SLC35F3: variants seen among roughly 807,000 people sequenced by gnomAD.
The protein encoded by SLC35F3 is putative thiamine transporter SLC35F3.
In SLC35F3, 25 loss-of-function variants were observed where a neutral mutation model predicts 49.9. The observed-to-expected ratio is 0.50, with a 90% confidence interval of 0.37 to 0.70. The LOEUF (loss-of-function observed/expected upper bound fraction) is 0.70, where lower values mean the gene tolerates loss of function less well. SLC35F3 is among the 30% of genes least tolerant of loss of function. SLC35F3 has a pLI of 0.00. For missense variants in SLC35F3, 525 were observed against 639.8 expected (o/e 0.82, Z 1.94); for synonymous variants, 275 against 265.4 (o/e 1.04, Z -0.35).
At chr1:234,080,818 T>C (rs970279843) in intron 2 of SLC35F3, among the ~76,000 whole-genome samples, 6 of 152,216 alleles carry the variant, frequency 3.9e-5, no homozygotes, top group Non-Finnish European at 1.5e-5. Flanking sequence ...TCAATGGAAA[T>C]ATTTCAAATA....
At position 234,017,977 on chromosome 1, in the gene SLC35F3, A is replaced by G. The variant is rs542529634; in HGVS notation, c.283+112219A>G. ...CAATTTGGGGGGTGTTTTAAACAGC[A>G]AAGTCACTGAAAAAAAAAACTCCAC... On this transcript the variant is annotated intron_variant, in intron 2 of 7. Coordinates refer to ENST00000366618, the MANE Select transcript of SLC35F3 (RefSeq NM_173508.4). Among the ~76,000 whole-genome samples, 33 of 152,028 alleles carry G rather than the reference A, an allele frequency of 2.2e-4. No homozygotes were observed. The South Asian group carries it at 6.5e-3, about 30-fold the overall frequency.
chr1:234,119,528 A>G (rs937159229), intron 2 of SLC35F3, among the ~76,000 whole-genome samples: 3 of 152,194 alleles, frequency 2.0e-5, no homozygotes, highest in South Asian at 2.1e-4. Flanking sequence ...AAAGCTTCCA[A>G]TGCAGGGAGG....
In SLC35F3 at chr1:234,087,314, G is replaced by C. The variant is rs116361350; in HGVS notation, c.284-144103G>C. Among the ~76,000 whole-genome samples the C allele has an allele frequency of 5.9e-3, 904 of 152,306 alleles. 12 individuals are homozygous for C. The highest frequency in any genetic ancestry group is 0.02 in the African/African-American group (845 of 41,556). On this transcript the variant is annotated intron_variant, in intron 2 of 7. Coordinates refer to ENST00000366618, the MANE Select transcript of SLC35F3 (RefSeq NM_173508.4). ...AGCCATCTGTGACAATGATTAAATA[G>C]TTGCTGTCACTGGTGGTGTATCTGT... is the stretch of plus-strand genomic sequence containing the variant.
chr1:234,032,146 A>G (rs560457376), intron 2 of SLC35F3, among the ~76,000 whole-genome samples: 22 of 152,274 alleles, frequency 1.4e-4, no homozygotes, highest in African/African-American at 5.1e-4. Context: ...CTATAAAAAA[A>G]TAAGAGTTGA....
chr1:234,068,640 CTGGGAGTCAGAGAGGTGTG>C (rs1319911473), intron 2 of SLC35F3, among the ~76,000 whole-genome samples: 2 of 151,286 alleles, frequency 1.3e-5, no homozygotes, highest in Non-Finnish European at 2.9e-5. Context: ...AGCCAGTAAT[CTGGGAGTCAGAGAGGTGTG>C]TGTGTGAGCA....
chr1:234,232,845 C>T (rs1667406853), intron 3 of SLC35F3, among the ~76,000 whole-genome samples: 1 of 152,164 alleles, frequency 6.6e-6, no homozygotes, highest in Non-Finnish European at 1.5e-5. Flanking sequence ...GGGAATCTAC[C>T]ATGTTGTTCC....
chr1:233,917,540 A>G (rs1241427885), intron 2 of SLC35F3, among the ~76,000 whole-genome samples: 1 of 152,088 alleles, frequency 6.6e-6, no homozygotes, highest in East Asian at 1.9e-4. Context: ...CTAATGTTTT[A>G]TGCTGCCAGC....
intron 2 of SLC35F3, among the ~76,000 whole-genome samples, chr1:234,124,923 T>C (rs992789775): frequency 1.3e-5 from 2 of 152,238 alleles, no homozygotes; most frequent in African/African-American, 4.8e-5. Flanking sequence ...TGTACACGCA[T>C]GTGTCCATGC....
At chr1:234,038,954 G>C (rs1480713833) in intron 2 of SLC35F3, among the ~76,000 whole-genome samples, 1 of 152,214 alleles carries the variant, frequency 6.6e-6, no homozygotes, top group African/African-American at 2.4e-5. Flanking sequence ...GAAGATTAAA[G>C]AAGGAGCAAG....
At chr1:233,962,397 G>A (rs1662818938) in intron 2 of SLC35F3, among the ~76,000 whole-genome samples, 1 of 152,310 alleles carries the variant, frequency 6.6e-6, no homozygotes, top group African/African-American at 2.4e-5. Context: ...TTCATTATAA[G>A]TAGCATTGGG....
At chr1:234,002,216 C>T (rs1199096012) in intron 2 of SLC35F3, among the ~76,000 whole-genome samples, 1 of 152,172 alleles carries the variant, frequency 6.6e-6, no homozygotes. Flanking sequence ...TATTATTAAC[C>T]TCACACAAAA....
chr1:234,094,521 T>C (rs1665089775), intron 2 of SLC35F3, among the ~76,000 whole-genome samples: 1 of 152,208 alleles, frequency 6.6e-6, no homozygotes, highest in African/African-American at 2.4e-5. Context: ...CTGATTGTTT[T>C]CTGTAAATCT....
At chr1:233,940,148 T>G (rs1662397299) in intron 2 of SLC35F3, among the ~76,000 whole-genome samples, 1 of 152,180 alleles carries the variant, frequency 6.6e-6, no homozygotes, top group Non-Finnish European at 1.5e-5. Flanking sequence ...CACTTTGTTC[T>G]GCGGTTTGCC....
chr1:234,179,180 A>T (rs183446341), intron 2 of SLC35F3, among the ~76,000 whole-genome samples: 1 of 152,170 alleles, frequency 6.6e-6, no homozygotes, highest in South Asian at 2.1e-4. Context: ...ACCTGAGTAG[A>T]ATAGAACTCC....
chr1:234,237,947 G>T (rs1177803860), intron 3 of SLC35F3, among the ~76,000 whole-genome samples: 1 of 152,128 alleles, frequency 6.6e-6, no homozygotes. Context: ...CAAGCGATCT[G>T]CCCACCTTGG....
chr1:234,238,542 T>C (rs1667509610), intron 3 of SLC35F3, among the ~76,000 whole-genome samples: 1 of 152,112 alleles, frequency 6.6e-6, no homozygotes, highest in South Asian at 2.1e-4. Flanking sequence ...GTCCCACCAC[T>C]CCATATAGTC....
chr1:234,069,261 CA>C (rs1358449189), intron 2 of SLC35F3, among the ~76,000 whole-genome samples: 4 of 89,446 alleles, frequency 4.5e-5, no homozygotes, highest in East Asian at 2.3e-4. Flanking sequence ...ATATAAAATA[CA>C]TTTTTTTTTT....
intron 2 of SLC35F3, among the ~76,000 whole-genome samples, chr1:234,211,472 G>C (rs1388827837): frequency 1.3e-5 from 2 of 152,350 alleles, no homozygotes; most frequent in Admixed American, 1.3e-4. Flanking sequence ...CAAGGCCACA[G>C]AGGCAGAGCT....
intron 2 of SLC35F3, among the ~76,000 whole-genome samples, chr1:234,059,754 T>C (rs1194820744): frequency 6.6e-6 from 1 of 152,126 alleles, no homozygotes; most frequent in African/African-American, 2.4e-5. Context: ...ATCTGCAAGC[T>C]GAGGAGCAAG....
Sources: allele counts gnomAD v4.1 joint callset (sites outside exome capture counted in the v4.1 genomes callset), GRCh38; gene constraint gnomAD v4.1.1; transcripts MANE v1.5; gene names NCBI Gene and HGNC (gene_info 2026-07-23, HGNC 2026-07-21).